Variants in RNF138 observed in about 807,000 individuals in gnomAD.
RNF138 encodes ring finger protein 138.
RNF138 carries 12 observed loss-of-function variants against 31.0 expected under a neutral mutation model. The ratio of observed to expected loss-of-function variants is 0.39; its 90% CI spans 0.25 to 0.63. RNF138 has a LOEUF of 0.63. RNF138 is among the 20% of genes least tolerant of loss of function. The probability of loss-of-function intolerance (pLI) is 0.52; values close to 1 mark genes in which losing one functional copy is unlikely to be tolerated. For synonymous variants in RNF138, 105 were observed against 99.5 expected (o/e 1.06, Z -0.33); for missense variants, 192 against 300.1 (o/e 0.64, Z 2.66).
chr18:32,110,187 C>T (rs2144593363), intron 2 of RNF138, among the ~76,000 whole-genome samples: 1 of 152,096 alleles, frequency 6.6e-6, no homozygotes, highest in South Asian at 2.1e-4. Flanking sequence ...GAGACAGGGT[C>T]TTGCTATGTT....
intron 2 of RNF138, among the ~76,000 whole-genome samples, chr18:32,098,714 G>A (rs931455451): frequency 6.6e-6 from 1 of 152,016 alleles, no homozygotes; most frequent in Admixed American, 6.6e-5. Context: ...TTAGCCGGGT[G>A]TGGCGGCAGG....
intron 2 of RNF138, among the ~76,000 whole-genome samples, chr18:32,097,046 A>G (rs2039820875): frequency 6.6e-6 from 1 of 151,808 alleles, no homozygotes; most frequent in Admixed American, 6.6e-5. Context: ...TAATATTTTG[A>G]AAAACATGTT....
chr18:32,095,749 C>T (rs533484842), intron 2 of RNF138, among the ~76,000 whole-genome samples: 196 of 152,276 alleles, frequency 1.3e-3, no homozygotes, highest in Non-Finnish European at 1.5e-3. Context: ...AATATAAACT[C>T]CCGTTTAATC....
Position 32,129,525 on chromosome 18 carries a change from A to G in RNF138, c.*338A>G, listed in dbSNP as rs1568244113. ...GAAATTTGATGCATTCCTCCCATTTACTTTATTATTGTACACATTTAACAC... is the reference window on the plus strand; with the variant it reads ...GAAATTTGATGCATTCCTCCCATTTGCTTTATTATTGTACACATTTAACAC... On this transcript the variant is annotated 3_prime_UTR_variant, in exon 8 of 8. Coordinates refer to ENST00000261593, the MANE Select transcript of RNF138 (RefSeq NM_016271.5). The G allele has an allele frequency of 9.6e-6, 2 of 207,574 alleles. No individual in the cohort carries two copies. The highest frequency in any genetic ancestry group is 2.0e-5 in the Non-Finnish European group (2 of 100,498). 12.9% of individuals were successfully genotyped at this position (207,574 alleles called of 1,614,324 possible).
chr18:32,109,895 A>G (rs60269639), intron 2 of RNF138, among the ~76,000 whole-genome samples: 2,514 of 152,312 alleles, frequency 0.017, 67 homozygotes, highest in African/African-American at 0.058. Context: ...CAAAAAAATA[A>G]AATAAATAAA....
chr18:32,092,056 G>A lies in RNF138; in HGVS notation c.-257G>A, dbSNP rs1236489361. ...CGAATCTCCCTGCACCATGAGCCTC[G>A]GCTCCGGCCCCGTTAGGGGCCGATA... On this transcript the variant is annotated 5_prime_UTR_variant, in exon 1 of 8. Transcript: ENST00000261593. The A allele has an allele frequency of 6.6e-6, 1 of 152,424 alleles. No individual in the cohort carries two copies. The highest frequency in any genetic ancestry group is 2.4e-5 in the African/African-American group (1 of 41,464). 9.4% of individuals were successfully genotyped at this position (152,424 alleles called of 1,614,324 possible). A position where few individuals can be genotyped will look rare whatever the true frequency, so the allele number is the denominator to read the frequency against.
At chr18:32,120,373 G>A (rs2040284037) in intron 4 of RNF138, among the ~76,000 whole-genome samples, 1 of 151,870 alleles carries the variant, frequency 6.6e-6, no homozygotes, top group African/African-American at 2.4e-5. Flanking sequence ...AAAAAGCATT[G>A]TGCTTACTAT....
At chr18:32,100,397 C>A (rs2039909562) in intron 2 of RNF138, among the ~76,000 whole-genome samples, 2 of 150,724 alleles carry the variant, frequency 1.3e-5, no homozygotes, top group South Asian at 4.2e-4. Context: ...CCTCTCTGGG[C>A]TCAAGTAATC....
intron 4 of RNF138, among the ~76,000 whole-genome samples, chr18:32,118,081 AAACT>A (rs2040245470): frequency 6.6e-6 from 1 of 152,222 alleles, no homozygotes; most frequent in African/African-American, 2.4e-5. Context: ...CTCTTCACAA[AAACT>A]AAAAAAAAAT....
intron 4 of RNF138, among the ~76,000 whole-genome samples, chr18:32,120,946 G>A (rs981009950): frequency 6.6e-6 from 1 of 151,896 alleles, no homozygotes. Context: ...GACCAGCTGG[G>A]CCAACATGGT....
rs1252318787 is a variant in RNF138, at chr18:32,125,758, CCTGT to C, written c.561+916_561+919del. Among the ~76,000 whole-genome samples the C allele has an allele frequency of 2.6e-5, 4 of 151,224 alleles. No individual in the cohort carries two copies. The East Asian group carries it at 6.0e-4, about 23-fold the overall frequency. ...ACTAGCCTGGGCAACATAGTGAGAC[CCTGT>C]CTATTTAAAAATAAAGAAAATAAAA... On this transcript the variant is annotated intron_variant, in intron 6 of 7. Transcript: ENST00000261593.
chr18:32,110,688 G>T (rs1200541972), intron 2 of RNF138, among the ~76,000 whole-genome samples: 1 of 152,106 alleles, frequency 6.6e-6, no homozygotes, highest in East Asian at 1.9e-4. Flanking sequence ...TGGTTCTCTT[G>T]AAAGCAAAAT....
intron 5 of RNF138, 130 bp from the exon 6 acceptor site, chr18:32,124,604 G>A: frequency 1.7e-6 from 1 of 605,738 alleles, no homozygotes; most frequent in Non-Finnish European, 2.9e-6. Flanking sequence ...TGTTCAAAAT[G>A]AGAGAATCTT....
intron 2 of RNF138, among the ~76,000 whole-genome samples, chr18:32,095,129 G>T (rs2144557572): frequency 6.6e-6 from 1 of 152,158 alleles, no homozygotes; most frequent in East Asian, 1.9e-4. Context: ...ATTTTAATCA[G>T]TTGGAAGGAG....
chr18:32,124,429 T>C (rs2040354050), intron 5 of RNF138: 1 of 226,678 alleles, frequency 4.4e-6, no homozygotes, highest in South Asian at 1.0e-4. Flanking sequence ...AGAAAACAAC[T>C]ACAATTAAGT....
intron 2 of RNF138, 104 bp downstream of exon 2, chr18:32,092,990 G>A: frequency 3.5e-6 from 2 of 571,762 alleles, no homozygotes; most frequent in Admixed American, 4.3e-5. Context: ...AGCCCGCCGC[G>A]GCCTGCCCGA....
chr18:32,098,048 C>A (rs926942904), intron 2 of RNF138, among the ~76,000 whole-genome samples: 1 of 151,542 alleles, frequency 6.6e-6, no homozygotes, highest in African/African-American at 2.4e-5. Flanking sequence ...TGCAGTGGTG[C>A]GGTCTTGGCT....
chr18:32,119,315 G>A (rs900094736), intron 4 of RNF138, among the ~76,000 whole-genome samples: 2 of 152,092 alleles, frequency 1.3e-5, no homozygotes, highest in East Asian at 1.9e-4. Flanking sequence ...TCCCAGGCCC[G>A]TCTCAAACTC....
At chr18:32,111,944 T>G in intron 3 of RNF138, 25 bp downstream of exon 3, 1 of 1,549,026 alleles carries the variant, frequency 6.5e-7, no homozygotes. Flanking sequence ...ACATCTCTCT[T>G]CTTTGGAAGC....
Sources: gnomAD v4.1 joint callset for allele counts (sites outside exome capture counted in the v4.1 genomes callset) on GRCh38, gnomAD v4.1.1 for gene constraint, MANE v1.5 for transcripts, NCBI Gene and HGNC (gene_info 2026-07-23, HGNC 2026-07-21) for gene names.